TARS2: variants seen among roughly 807,000 people sequenced by gnomAD.
The protein encoded by TARS2 is threonine--tRNA ligase, mitochondrial.
Under a neutral mutation model 94.4 loss-of-function variants are expected in TARS2, and 61 were observed. The observed-to-expected ratio is 0.65, with a 90% CI of 0.53 to 0.80. TARS2 has a LOEUF of 0.80. Among genes scored for constraint, TARS2 ranks in the 30% least tolerant of loss-of-function variants. The probability of loss-of-function intolerance (pLI) is 0.00; values close to 1 mark genes in which losing one functional copy is unlikely to be tolerated. For missense variants in TARS2, 704 were observed against 902.5 expected (o/e 0.78, Z 2.82); for synonymous variants, 359 against 353.4 (o/e 1.02, Z -0.18).
At chr1:150,503,902 CAAA>C (rs1285986585) in intron 13 of TARS2, among the ~76,000 whole-genome samples, 1 of 63,750 alleles carries the variant, frequency 1.6e-5, no homozygotes. Flanking sequence ...GACTCTGTCT[CAAA>C]AAAAAAAAAA....
intron 6 of TARS2, 147 bp from the exon 7 acceptor site, chr1:150,492,264 A>G (rs914338795): frequency 1.8e-5 from 14 of 787,754 alleles, no homozygotes; most frequent in Non-Finnish European, 2.9e-5. Context: ...GCGCCCTGCC[A>G]GGGAATTGAT....
intron 3 of TARS2, chr1:150,489,414 A>G: frequency 2.8e-6 from 1 of 357,292 alleles, no homozygotes; most frequent in Non-Finnish European, 5.4e-6. Context: ...CAATTCTAAC[A>G]TGGCTTATAC....
intron 13 of TARS2, among the ~76,000 whole-genome samples, chr1:150,503,693 ATG>A (rs1246236195): frequency 6.8e-6 from 1 of 147,968 alleles, no homozygotes; most frequent in African/African-American, 2.5e-5. Flanking sequence ...GTGTATATAT[ATG>A]TGTGTGTATA....
In TARS2 at chr1:150,498,483, C is replaced by A; in HGVS notation, c.1239-19C>A. ...CTAGTCCTCCCTATGGCCCTGACCC[C>A]TCTGCACCCCAACCTCAGCCTGATG... On this transcript the variant is annotated intron_variant, in intron 10 of 17. Transcript: ENST00000369064. 6.4e-7 allele frequency: 1 copy of A among 1,556,906 alleles called. No individual in the cohort carries two copies. Among genetic ancestry groups the A allele is most frequent in the South Asian group, 1.2e-5 (1 of 80,884 alleles).
intron 3 of TARS2, 52 bp downstream of exon 3, chr1:150,489,139 G>T (rs768436823): frequency 2.5e-6 from 4 of 1,612,516 alleles, no homozygotes; most frequent in Admixed American, 3.3e-5. Context: ...AAGAGATATT[G>T]AAGCAGGAAA....
Position 150,504,369 on chromosome 1 carries a change from C to T in TARS2, c.1652C>T (p.Pro551Leu). The T allele has an allele frequency of 6.2e-7, 1 of 1,614,078 alleles. No homozygotes were observed. Among genetic ancestry groups the T allele is most frequent in the Non-Finnish European group, 8.5e-7 (1 of 1,180,012 alleles). Residue 551 changes from proline (P) to leucine (L), a missense_variant, in exon 14 of 18, where the codon CCA becomes CTA. By Grantham distance (98) the Pro-to-Leu change is moderately conservative (BLOSUM62 -3). Coordinates refer to ENST00000369064, the MANE Select transcript of TARS2 (RefSeq NM_025150.5). Reference sequence around the variant, plus strand: ...CACCTCCACGATGCCCTGGGCCGGCCACATCAGTGTGGGACAATTCAGCTT... The same window carrying T: ...CACCTCCACGATGCCCTGGGCCGGCTACATCAGTGTGGGACAATTCAGCTT... ...DVHLHDALGR[P>L]HQCGTIQLDF...
chr1:150,498,996 T>C lies in TARS2; in HGVS notation c.1501T>C (p.Phe501Leu). ...GGCACTGTCCACCCGGCCATCTGGC[T>C]TCCTGGGGGACCCTTGCCTTTGGGA... ...RLALSTRPSG[F>L]LGDPCLWDQA... Residue 501 changes from phenylalanine (F) to leucine (L), a missense_variant, in exon 12 of 18, where the codon TTC becomes CTC. This residue lies in a region of TARS2 where 466 missense variants were observed against 609.5 expected (regional missense o/e 0.76). Transcript: ENST00000369064. 2 of 1,614,154 alleles carry C rather than the reference T, an allele frequency of 1.2e-6. No homozygotes were observed. Among genetic ancestry groups the C allele is most frequent in the Non-Finnish European group, 1.7e-6 (2 of 1,180,024 alleles).
chr1:150,491,726 C>T (rs777919522), intron 6 of TARS2, 64 bp downstream of exon 6: 27 of 1,497,002 alleles, frequency 1.8e-5, no homozygotes, highest in Admixed American at 3.4e-5. Flanking sequence ...GCCAGAAATG[C>T]GATAAGGGAA....
At chr1:150,494,212 C>T (rs1002295877) in intron 7 of TARS2, among the ~76,000 whole-genome samples, 4 of 144,906 alleles carry the variant, frequency 2.8e-5, no homozygotes, top group African/African-American at 1.0e-4. Flanking sequence ...ACTAAAAATA[C>T]ACAAATTAGC....
chr1:150,504,458 C>T (rs1432613297), intron 14 of TARS2, 23 bp downstream of exon 14: 1 of 1,612,138 alleles, frequency 6.2e-7, no homozygotes, highest in East Asian at 2.2e-5. Flanking sequence ...GCCCTATCCT[C>T]TTTTCCCTTG....
intron 1 of TARS2, 38 bp from the exon 2 acceptor site, chr1:150,487,820 G>A: frequency 6.3e-7 from 1 of 1,591,018 alleles, no homozygotes; most frequent in Non-Finnish European, 8.6e-7. Flanking sequence ...AAAGAATGAT[G>A]GGACGTGTGT....
rs1669208954 is a variant in TARS2 at position 150,487,629 on chromosome 1, A to T, written c.66+113A>T. The T allele has an allele frequency of 2.1e-6, 3 of 1,450,776 alleles. No individual in the cohort carries two copies. In the South Asian group the frequency reaches 3.6e-5, roughly 18 times the overall value. The allele number at this position is 1,450,776 out of a possible 1,614,324, so 89.9% of individuals were successfully genotyped here. On this transcript the variant is annotated intron_variant, in intron 1 of 17. Transcript: ENST00000369064. ...CACTCCTCCTCTCCCTGGTCCTCCG[A>T]GTCCCCAGAAAAGGACTCGTATCTA...
chr1:150,491,974 T>TG, intron 6 of TARS2: 1 of 287,596 alleles, frequency 3.5e-6, no homozygotes. Flanking sequence ...TTTTTTTTTT[T>TG]TTTTTTTTTT....
intron 9 of TARS2, among the ~76,000 whole-genome samples, chr1:150,497,290 G>GA (rs886796337): frequency 4.0e-5 from 6 of 149,766 alleles, no homozygotes; most frequent in Admixed American, 2.7e-4. Flanking sequence ...GTCTTGAAGA[G>GA]AAAAAAAAAG....
intron 17 of TARS2, among the ~76,000 whole-genome samples, chr1:150,506,702 G>A (rs749616656): frequency 6.6e-6 from 1 of 151,694 alleles, no homozygotes. Flanking sequence ...TAAGGCCTGC[G>A]GGGACTGAAG....
chr1:150,505,102 CTG>C, intron 16 of TARS2, 124 bp downstream of exon 16: 1 of 933,382 alleles, frequency 1.1e-6, no homozygotes, highest in East Asian at 2.6e-5. Flanking sequence ...AGCCACAAGA[CTG>C]GGCTCGAGTG....
At chr1:150,503,565 G>GTATATATA (rs1248467575) in intron 13 of TARS2, among the ~76,000 whole-genome samples, 3 of 100,164 alleles carry the variant, frequency 3.0e-5, no homozygotes, top group African/African-American at 1.3e-4. Flanking sequence ...GTGTGTGTGT[G>GTATATATA]TGTGTGTGTG....
chr1:150,497,383 CG>C, intron 9 of TARS2, 146 bp from the exon 10 acceptor site: 1 of 671,404 alleles, frequency 1.5e-6, no homozygotes, highest in Non-Finnish European at 2.6e-6. Context: ...GGTCTGCAGT[CG>C]GGGAGCATAG....
intron 4 of TARS2, 32 bp from the exon 5 acceptor site, chr1:150,491,362 G>T: frequency 6.2e-7 from 1 of 1,607,714 alleles, no homozygotes; most frequent in South Asian, 1.1e-5. Flanking sequence ...GCACCTCATA[G>T]GATGCAACCC....
Sources: gnomAD v4.1 joint callset for allele counts (sites outside exome capture counted in the v4.1 genomes callset) on GRCh38, gnomAD v4.1.1 for gene constraint, gnomAD v4.1.1 regional missense constraint, MANE v1.5 for transcripts, NCBI Gene and HGNC (gene_info 2026-07-23, HGNC 2026-07-21) for gene names.